Variants in NFATC3 observed in about 807,000 individuals in gnomAD.
NFATC3 encodes nuclear factor of activated T cells 3.
A neutral mutation model predicts 98.6 loss-of-function variants in NFATC3; 46 were observed. The observed-to-expected ratio is 0.47, with a 90% CI of 0.37 to 0.60. The LOEUF is 0.60. Ranked by LOEUF, NFATC3 falls within the 20% of genes least tolerant of loss-of-function variation. The probability of loss-of-function intolerance (pLI) is 0.00; values close to 1 mark genes in which losing one functional copy is unlikely to be tolerated. For synonymous variants in NFATC3, 512 were observed against 472.2 expected (o/e 1.08, Z -1.09); for missense variants, 1,256 against 1,295.5 (o/e 0.97, Z 0.47).
chr16:68,184,777 C>G (rs2040105741), intron 8 of NFATC3, among the ~76,000 whole-genome samples: 1 of 151,918 alleles, frequency 6.6e-6, no homozygotes, highest in Non-Finnish European at 1.5e-5. Context: ...GCACTCCAGC[C>G]TGGGCAACAG....
At chr16:68,179,468 G>A (rs528763697) in intron 6 of NFATC3, among the ~76,000 whole-genome samples, 4 of 152,194 alleles carry the variant, frequency 2.6e-5, no homozygotes, top group Non-Finnish European at 5.9e-5. Flanking sequence ...TGCAGCAGAA[G>A]TAACCATTGT....
At chr16:68,157,105 A>T (rs992886907) in intron 3 of NFATC3, among the ~76,000 whole-genome samples, 1 of 152,022 alleles carries the variant, frequency 6.6e-6, no homozygotes, top group Non-Finnish European at 1.5e-5. Flanking sequence ...ACTGCGATTC[A>T]GCCTTATGCT....
At position 68,191,153 on chromosome 16, in the gene NFATC3, T is replaced by G. The variant is rs1414894785; in HGVS notation, c.2484T>G (p.Asp828Glu). 1 of 1,614,208 alleles carries G rather than the reference T, an allele frequency of 6.2e-7. No homozygotes were observed. Among genetic ancestry groups the G allele is most frequent in the South Asian group, 1.1e-5 (1 of 91,078 alleles). ...ATGCTGCCTCTAGTCAAGAATTTGA[T>G]TCAGTTTTGTTTCAGCAGGATGCAA... ...PINAASSQEFDSVLFQQDATL... is the reference protein window; with the variant it reads ...PINAASSQEFESVLFQQDATL... The change falls in exon 9 of 10, where the codon GAT becomes GAG. Residue 828 changes from aspartate to glutamate, a missense_variant. By Grantham distance (45) the Asp-to-Glu change is conservative. Around this residue, in one of 3 missense-constraint regions of NFATC3, gnomAD observed 636 missense variants for 617.3 expected, o/e 1.03. Coordinates refer to ENST00000346183, the MANE Select transcript of NFATC3 (RefSeq NM_173165.3).
At chr16:68,089,207 G>A (rs1319195515) in intron 1 of NFATC3, 1 of 985,410 alleles carries the variant, frequency 1.0e-6, no homozygotes, top group Non-Finnish European at 1.2e-6. Flanking sequence ...AGTGAGGTAA[G>A]TGGATAGAGA....
chr16:68,211,040 C>A (rs182640076), intron 9 of NFATC3, among the ~76,000 whole-genome samples: 19 of 152,002 alleles, frequency 1.2e-4, no homozygotes, highest in African/African-American at 3.6e-4. Flanking sequence ...CCTTAGCCTC[C>A]CAGGTGTAAG....
chr16:68,224,936 A>G (rs891955191), intron 9 of NFATC3: 1 of 151,998 alleles, frequency 6.6e-6, no homozygotes, highest in Admixed American at 6.6e-5. Context: ...ACTAGTATCT[A>G]TTTTTATATT....
chr16:68,123,080 T>C lies in NFATC3; in HGVS notation c.1197T>C (p.Phe399=). The C allele has an allele frequency of 6.2e-7, 1 of 1,607,414 alleles. No individual in the cohort carries two copies. Among genetic ancestry groups the C allele is most frequent in the Non-Finnish European group, 8.5e-7 (1 of 1,179,918 alleles). ...AGTTTCTTTCAGTTCCTTCACCCTT[T>C]ACCTGGAGCAAACCAAAGCCTGGCC... ...GDQFLSVPSP[F]TWSKPKPGHT... The change falls in exon 2 of 10, where the codon TTT becomes TTC. Residue 399 remains phenylalanine, a synonymous_variant. Transcript: ENST00000346183.
chr16:68,209,544 A>T (rs1598603156), intron 9 of NFATC3: 7 of 306,350 alleles, frequency 2.3e-5, no homozygotes. Flanking sequence ...GTCCTCACCC[A>T]TGATGGCCTA....
intron 5 of NFATC3, among the ~76,000 whole-genome samples, chr16:68,171,094 G>A (rs1339557034): frequency 6.6e-6 from 1 of 152,034 alleles, no homozygotes; most frequent in Non-Finnish European, 1.5e-5. Flanking sequence ...TGCAACCTCT[G>A]CCTCCTGGGT....
intron 6 of NFATC3, among the ~76,000 whole-genome samples, chr16:68,177,018 CTTTCT>C (rs1555520680): frequency 3.5e-5 from 5 of 144,854 alleles, no homozygotes; most frequent in Admixed American, 2.1e-4. Context: ...ATTTTTCTTT[CTTTCT>C]TTTCTTTTCT....
At chr16:68,206,282 G>A (rs8064114) in intron 9 of NFATC3, among the ~76,000 whole-genome samples, 27,971 of 152,078 alleles carry the variant, frequency 0.18, 2,943 homozygotes, top group African/African-American at 0.28. Context: ...CATTTTAAGT[G>A]TATAGCTAAG....
intron 8 of NFATC3, among the ~76,000 whole-genome samples, chr16:68,187,105 C>A (rs1454225671): frequency 2.0e-5 from 3 of 152,224 alleles, no homozygotes; most frequent in Non-Finnish European, 4.4e-5. Context: ...AGCCACTGCT[C>A]ACAGCCAGGC....
At chr16:68,143,393 A>G (rs756753831) in intron 3 of NFATC3, among the ~76,000 whole-genome samples, 59 of 152,198 alleles carry the variant, frequency 3.9e-4, no homozygotes, top group Admixed American at 9.2e-4. Context: ...TCTATGTAAC[A>G]TACTGTTTAT....
intron 9 of NFATC3, chr16:68,201,005 C>T (rs1207384359): frequency 6.6e-6 from 1 of 151,000 alleles, no homozygotes; most frequent in Non-Finnish European, 1.5e-5. Flanking sequence ...AATATCAGCT[C>T]ATTGCAACCT....
At chr16:68,150,845 T>C (rs1465845763) in intron 3 of NFATC3, among the ~76,000 whole-genome samples, 2 of 152,118 alleles carry the variant, frequency 1.3e-5, no homozygotes, top group African/African-American at 4.8e-5. Context: ...ATCTGATGGC[T>C]TTGTAAGTGT....
Position 68,166,884 on chromosome 16 carries a change from T to G in NFATC3, c.1643T>G (p.Ile548Arg). The change falls in exon 5 of 10, where the codon ATA becomes AGA. Residue 548 changes from isoleucine to arginine, a missense_variant. This residue lies in a region of NFATC3 where 156 missense variants were observed against 212.4 expected (regional missense o/e 0.73). Coordinates refer to ENST00000346183, the MANE Select transcript of NFATC3 (RefSeq NM_173165.3). ...ATTTTGAAACTCCGCAATTCAGATA[T>G]AGAACTTCGAAAAGGAGAAACTGAT... ...AGILKLRNSD[I>R]ELRKGETDIG... The G allele has an allele frequency of 6.2e-7, 1 of 1,614,090 alleles. No homozygotes were observed.
chr16:68,175,562 A>G (rs2039652558), intron 6 of NFATC3, among the ~76,000 whole-genome samples: 1 of 152,136 alleles, frequency 6.6e-6, no homozygotes, highest in Non-Finnish European at 1.5e-5. Context: ...AAACTTATGA[A>G]AGACTTTTTT....
chr16:68,125,366 A>G (rs1339024130), intron 2 of NFATC3, among the ~76,000 whole-genome samples: 1 of 152,262 alleles, frequency 6.6e-6, no homozygotes, highest in Non-Finnish European at 1.5e-5. Flanking sequence ...GTTTTAATAT[A>G]TCAAAATGAT....
intron 9 of NFATC3, among the ~76,000 whole-genome samples, chr16:68,197,034 A>AAAATAAATAAAT (rs561700662): frequency 9.9e-5 from 15 of 152,060 alleles, no homozygotes; most frequent in African/African-American, 3.6e-4. Flanking sequence ...CCATCTCAAG[A>AAAATAAATAAAT]AAATAAATAA....
Sources: allele counts gnomAD v4.1 joint callset (sites outside exome capture counted in the v4.1 genomes callset), GRCh38; gene constraint gnomAD v4.1.1; regional missense constraint gnomAD v4.1.1; transcripts MANE v1.5; gene names NCBI Gene and HGNC (gene_info 2026-07-23, HGNC 2026-07-21).